LRBA: variants seen among roughly 807,000 people sequenced by gnomAD.
LRBA encodes the protein LPS responsive beige-like anchor protein.
Under a neutral mutation model 330.0 loss-of-function variants are expected in LRBA, and 176 were observed. The ratio of observed to expected loss-of-function variants is 0.53; its 90% CI spans 0.47 to 0.60. The LOEUF is 0.60. Among genes scored for constraint, LRBA ranks in the 20% least tolerant of loss-of-function variants. The probability of loss-of-function intolerance (pLI) is 0.00; values close to 1 mark genes in which losing one functional copy is unlikely to be tolerated. For missense variants in LRBA, 3,259 were observed against 3,444.8 expected (o/e 0.95, Z 1.35); for synonymous variants, 1,230 against 1,193.0 (o/e 1.03, Z -0.64).
intron 2 of LRBA, among the ~76,000 whole-genome samples, chr4:150,980,890 T>C (rs928867060): frequency 6.6e-6 from 1 of 151,802 alleles, no homozygotes; most frequent in East Asian, 1.9e-4. Context: ...TTAAAATAGC[T>C]ACAAATAAAT....
At chr4:150,601,101 T>C (rs1160483601) in intron 37 of LRBA, among the ~76,000 whole-genome samples, 2 of 152,210 alleles carry the variant, frequency 1.3e-5, no homozygotes, top group African/African-American at 4.8e-5. Context: ...CATATGACGA[T>C]GTAAAGCTAA....
chr4:150,988,093 A>G (rs968862922), intron 2 of LRBA, among the ~76,000 whole-genome samples: 1 of 152,118 alleles, frequency 6.6e-6, no homozygotes, highest in Non-Finnish European at 1.5e-5. Flanking sequence ...AGATTATTAG[A>G]CTTCTATCTC....
chr4:150,924,567 C>A (rs541721658), intron 4 of LRBA, among the ~76,000 whole-genome samples: 2 of 152,032 alleles, frequency 1.3e-5, no homozygotes, highest in Admixed American at 6.6e-5. Flanking sequence ...TTCAAGAGTC[C>A]GTAAAGACGT....
intron 5 of LRBA, among the ~76,000 whole-genome samples, chr4:150,917,384 T>G (rs1405011971): frequency 6.6e-6 from 1 of 151,988 alleles, no homozygotes; most frequent in Non-Finnish European, 1.5e-5. Flanking sequence ...GATAACAAAT[T>G]GGAAATTTGA....
At chr4:150,437,595 A>G (rs567609924) in intron 44 of LRBA, among the ~76,000 whole-genome samples, 105 of 151,312 alleles carry the variant, frequency 6.9e-4, no homozygotes, top group Non-Finnish European at 1.4e-3. Flanking sequence ...TAGACAGATT[A>G]TGAACTTATA....
rs563418406 is a variant in LRBA, at chr4:150,472,047, AAAG to A, written c.6552-311_6552-309del. ...ATAATTCACTGCTTTAATGATATAAAAAGAAGAAATTATAGCAGCTGGGAAGTG... is the reference window on the plus strand; with the variant it reads ...ATAATTCACTGCTTTAATGATATAAAAAGAAATTATAGCAGCTGGGAAGTG... On this transcript the variant is annotated intron_variant, in intron 42 of 56. Transcript: ENST00000651943. Among the ~76,000 whole-genome samples, 108 of 152,188 alleles carry A rather than the reference AAAG, an allele frequency of 7.1e-4. 3 individuals carry two copies. In the South Asian group the frequency reaches 0.014, roughly 20 times the overall value.
At chr4:150,294,576 T>C (rs1451504632) in intron 53 of LRBA, among the ~76,000 whole-genome samples, 1 of 152,194 alleles carries the variant, frequency 6.6e-6, no homozygotes, top group Non-Finnish European at 1.5e-5. Context: ...ACAGGGCTAC[T>C]GTGAAGATTA....
At chr4:150,968,002 C>CTTT (rs35023986) in intron 2 of LRBA, among the ~76,000 whole-genome samples, 16 of 126,054 alleles carry the variant, frequency 1.3e-4, no homozygotes, top group African/African-American at 2.1e-4. Context: ...ATTTGCACAT[C>CTTT]TTTTTTTTTT....
chr4:150,916,347 T>G, intron 7 of LRBA, 54 bp downstream of exon 7: 1 of 1,562,090 alleles, frequency 6.4e-7, no homozygotes, highest in East Asian at 2.3e-5. Context: ...AACAAAGCAT[T>G]TTGATGACTA....
chr4:150,460,355 C>T (rs573910930), intron 44 of LRBA, among the ~76,000 whole-genome samples: 9 of 151,618 alleles, frequency 5.9e-5, no homozygotes, highest in Non-Finnish European at 7.4e-5. Context: ...AAAGAGAGAG[C>T]GAGAAACAGA....
intron 36 of LRBA, among the ~76,000 whole-genome samples, chr4:150,699,958 CA>C (rs1403152830): frequency 2.6e-5 from 4 of 152,174 alleles, no homozygotes; most frequent in Non-Finnish European, 5.9e-5. Flanking sequence ...CAAAATGCTC[CA>C]AAATCTGAAG....
chr4:150,605,874 A>T (rs1774570296), intron 37 of LRBA, among the ~76,000 whole-genome samples: 1 of 152,190 alleles, frequency 6.6e-6, no homozygotes, highest in African/African-American at 2.4e-5. Context: ...TGCTGTCTTA[A>T]TGAAAAGGAC....
chr4:150,659,134 G>A (rs1430266617), intron 37 of LRBA, among the ~76,000 whole-genome samples: 35 of 137,048 alleles, frequency 2.6e-4, no homozygotes, highest in African/African-American at 6.8e-4. Context: ...CTGCCCGGCC[G>A]CCACCCCGTC....
intron 4 of LRBA, among the ~76,000 whole-genome samples, chr4:150,927,404 A>G (rs1169286893): frequency 6.6e-6 from 1 of 151,998 alleles, no homozygotes; most frequent in Non-Finnish European, 1.5e-5. Flanking sequence ...TACAGAAAGA[A>G]AAATATACTA....
intron 50 of LRBA, among the ~76,000 whole-genome samples, chr4:150,318,455 T>C (rs1474266563): frequency 1.3e-5 from 2 of 152,088 alleles, no homozygotes; most frequent in African/African-American, 4.8e-5. Context: ...ATTAAAAAAA[T>C]AAATATTGTA....
chr4:150,703,168 A>C (rs975260886), intron 36 of LRBA, among the ~76,000 whole-genome samples: 8 of 152,206 alleles, frequency 5.3e-5, no homozygotes, highest in African/African-American at 1.7e-4. Context: ...CTCCAAAAGA[A>C]AAAAAAAGTA....
intron 2 of LRBA, among the ~76,000 whole-genome samples, chr4:150,948,318 T>C (rs1488655421): frequency 6.6e-6 from 1 of 151,882 alleles, no homozygotes; most frequent in East Asian, 1.9e-4. Context: ...AACCCAGAAC[T>C]AGACCCACAC....
intron 42 of LRBA, among the ~76,000 whole-genome samples, chr4:150,474,814 GT>G (rs1756533641): frequency 6.6e-6 from 1 of 151,912 alleles, no homozygotes; most frequent in African/African-American, 2.4e-5. Flanking sequence ...AACATCTCCA[GT>G]GTAACGCTGA....
chr4:150,533,713 A>T lies in LRBA; in HGVS notation c.6331-42678T>A, dbSNP rs78640076. The stretch of plus-strand genomic sequence containing the variant: ...GACAGCCCTGGAGGGACGCTGCAGG[A>T]TGAAAGCAGCTTCTTTCCCCCCATT... On this transcript the variant is annotated intron_variant, in intron 40 of 56. Transcript: ENST00000651943. Among the ~76,000 whole-genome samples the T allele has an allele frequency of 4.2e-3, 642 of 152,274 alleles. 3 individuals carry two copies. The highest frequency in any genetic ancestry group is 0.015 in the African/African-American group (621 of 41,556).
Sources: gnomAD v4.1 joint callset for allele counts (sites outside exome capture counted in the v4.1 genomes callset) on GRCh38, gnomAD v4.1.1 for gene constraint, MANE v1.5 for transcripts, NCBI Gene and HGNC (gene_info 2026-07-23, HGNC 2026-07-21) for gene names.